SLC25A31: variants seen among roughly 807,000 people sequenced by gnomAD.
SLC25A31 encodes ADP/ATP translocase 4.
A neutral mutation model predicts 36.2 loss-of-function variants in SLC25A31; 40 were observed. The observed-to-expected ratio is 1.10, with a 90% CI of 0.86 to 1.44. SLC25A31 has a LOEUF of 1.44. SLC25A31 is among the 40% of genes most tolerant of loss of function. SLC25A31 has a pLI of 0.00. For missense variants in SLC25A31, 350 were observed against 397.1 expected (o/e 0.88, Z 1.01); for synonymous variants, 143 against 149.7 (o/e 0.96, Z 0.32).
rs1437394707 is a variant in SLC25A31 at position 127,748,550 on chromosome 4, C to T, written c.360+3751C>T. On this transcript the variant is annotated intron_variant, in intron 2 of 5. Transcript: ENST00000281154. Reference sequence around the variant, plus strand: ...AGTAACAGGCCTACCATCAATGAAACGTGCAGGCCCTCATCCTGGCACCAA... The same window carrying T: ...AGTAACAGGCCTACCATCAATGAAATGTGCAGGCCCTCATCCTGGCACCAA... Among the ~76,000 whole-genome samples the T allele has an allele frequency of 3.9e-5, 6 of 152,306 alleles. 1 individual carries two copies. In the South Asian group the frequency reaches 8.3e-4, roughly 21 times the overall value.
At chr4:127,740,475 A>G (rs1385775652) in intron 1 of SLC25A31, among the ~76,000 whole-genome samples, 2 of 152,204 alleles carry the variant, frequency 1.3e-5, no homozygotes, top group African/African-American at 4.8e-5. Context: ...GATAGCATGT[A>G]CAGCTGAGTC....
intron 1 of SLC25A31, 59 bp downstream of exon 1, chr4:127,730,836 G>A: frequency 6.7e-7 from 1 of 1,495,726 alleles, no homozygotes; most frequent in Non-Finnish European, 9.1e-7. Context: ...GCTTCCCAGA[G>A]AAGAGGGTGG....
chr4:127,756,425 C>T (rs1238230222), intron 2 of SLC25A31, among the ~76,000 whole-genome samples: 9 of 151,862 alleles, frequency 5.9e-5, no homozygotes, highest in Admixed American at 2.0e-4. Flanking sequence ...TTTCTGAGGT[C>T]GATGGAGCGT....
At chr4:127,754,617 G>A (rs896622329) in intron 2 of SLC25A31, among the ~76,000 whole-genome samples, 1 of 150,740 alleles carries the variant, frequency 6.6e-6, no homozygotes, top group African/African-American at 2.4e-5. Flanking sequence ...TTAAAACACT[G>A]ATTAAAGAAA....
intron 2 of SLC25A31, among the ~76,000 whole-genome samples, chr4:127,752,731 A>G (rs1232206346): frequency 6.6e-6 from 1 of 152,230 alleles, no homozygotes; most frequent in Non-Finnish European, 1.5e-5. Flanking sequence ...AATTGTAAAT[A>G]TAAATGCACT....
chr4:127,767,167 C>T lies in SLC25A31; in HGVS notation c.580C>T (p.Gln194Ter). The T allele has an allele frequency of 1.2e-6, 2 of 1,613,700 alleles. No individual in the cohort carries two copies. Among genetic ancestry groups the T allele is most frequent in the Non-Finnish European group, 1.7e-6 (2 of 1,179,776 alleles). Reference sequence around the variant, plus strand: ...ATACCAAGGGTTTGGTGTTTCAGTACAGGGCATCATTGTGTACCGAGCCTC... The same window carrying T: ...ATACCAAGGGTTTGGTGTTTCAGTATAGGGCATCATTGTGTACCGAGCCTC... ...GLYQGFGVSV[Q>*]GIIVYRASYF... The change falls in exon 4 of 6, where the codon CAG becomes TAG. Residue 194 changes from glutamine (Q) to a stop codon, truncating the protein, a stop_gained. Coordinates refer to ENST00000281154, the MANE Select transcript of SLC25A31 (RefSeq NM_031291.4). LOFTEE classifies it high-confidence loss of function.
intron 2 of SLC25A31, among the ~76,000 whole-genome samples, chr4:127,750,241 T>A (rs1345971913): frequency 6.6e-6 from 1 of 152,148 alleles, no homozygotes; most frequent in Non-Finnish European, 1.5e-5. Context: ...AAGTATAAAC[T>A]TAAGTGGTAA....
intron 1 of SLC25A31, 101 bp from the exon 2 acceptor site, chr4:127,744,569 AAG>A (rs1731788468): frequency 1.0e-6 from 1 of 989,518 alleles, no homozygotes. Context: ...TCTCATAAGA[AAG>A]AGTATGTTTT....
intron 4 of SLC25A31, among the ~76,000 whole-genome samples, chr4:127,768,302 A>G (rs960521128): frequency 6.6e-6 from 1 of 152,048 alleles, no homozygotes; most frequent in African/African-American, 2.4e-5. Context: ...TCACAAAAAA[A>G]GTTATGTGTG....
At chr4:127,767,024 A>C in intron 3 of SLC25A31, 42 bp from the exon 4 acceptor site, 1 of 1,533,060 alleles carries the variant, frequency 6.5e-7, no homozygotes, top group African/African-American at 1.4e-5. Context: ...TGTTTATTGG[A>C]TATATAATGT....
At position 127,748,551 on chromosome 4, in the gene SLC25A31, G is replaced by A. The variant is rs866238912; in HGVS notation, c.360+3752G>A. Among the ~76,000 whole-genome samples, 14 of 152,240 alleles carry A rather than the reference G, an allele frequency of 9.2e-5. No individual in the cohort carries two copies. In the East Asian group the frequency reaches 9.6e-4, roughly 10 times the overall value. On this transcript the variant is annotated intron_variant, in intron 2 of 5. Coordinates refer to ENST00000281154, the MANE Select transcript of SLC25A31 (RefSeq NM_031291.4). ...GTAACAGGCCTACCATCAATGAAACGTGCAGGCCCTCATCCTGGCACCAAC... is the reference window on the plus strand; with the variant it reads ...GTAACAGGCCTACCATCAATGAAACATGCAGGCCCTCATCCTGGCACCAAC...
At chr4:127,732,788 T>TA (rs1731553951) in intron 1 of SLC25A31, among the ~76,000 whole-genome samples, 1 of 152,200 alleles carries the variant, frequency 6.6e-6, no homozygotes, top group South Asian at 2.1e-4. Flanking sequence ...GTGTATCCTA[T>TA]GCTAAGAGAT....
chr4:127,732,401 AT>A (rs1731543976), intron 1 of SLC25A31, among the ~76,000 whole-genome samples: 1 of 152,162 alleles, frequency 6.6e-6, no homozygotes, highest in Admixed American at 6.5e-5. Context: ...CTCTCCACTC[AT>A]TCATTTAATT....
chr4:127,764,256 T>C lies in SLC25A31; in HGVS notation c.374T>C (p.Phe125Ser). ...AATATGTTTCAGTTCTGGAGGTGGT[T>C]TTTGGCAAACCTGGCTTCTGGTGGA... ...VNKEKQFWRW[F>S]LANLASGGAA... Residue 125 changes from phenylalanine (F) to serine (S), a missense_variant, in exon 3 of 6, where the codon TTT becomes TCT. Phe to Ser is a radical substitution (Grantham distance 155, BLOSUM62 -2). Coordinates refer to ENST00000281154, the MANE Select transcript of SLC25A31 (RefSeq NM_031291.4). The C allele has an allele frequency of 6.2e-7, 1 of 1,613,910 alleles. No homozygotes were observed. Among genetic ancestry groups the C allele is most frequent in the Non-Finnish European group, 8.5e-7 (1 of 1,179,884 alleles).
At chr4:127,745,307 CT>C (rs11314285) in intron 2 of SLC25A31, among the ~76,000 whole-genome samples, 100,214 of 148,728 alleles carry the variant, frequency 0.67, 34,210 homozygotes, top group Middle Eastern at 0.79. Flanking sequence ...TGCAAGGATA[CT>C]TTTTTTTTTT....
chr4:127,772,407 C>T (rs750196222), intron 5 of SLC25A31, among the ~76,000 whole-genome samples: 4 of 152,070 alleles, frequency 2.6e-5, no homozygotes, highest in Non-Finnish European at 4.4e-5. Flanking sequence ...TTTTTGTTAC[C>T]GTTGCCATTT....
At chr4:127,770,375 C>A (rs1026977319) in intron 5 of SLC25A31, among the ~76,000 whole-genome samples, 16 of 152,086 alleles carry the variant, frequency 1.1e-4, no homozygotes, top group Non-Finnish European at 1.9e-4. Flanking sequence ...GCCTGTAATC[C>A]CAACACTTTG....
intron 2 of SLC25A31, among the ~76,000 whole-genome samples, chr4:127,751,011 A>G (rs1731921406): frequency 6.6e-6 from 1 of 152,238 alleles, no homozygotes; most frequent in Admixed American, 6.5e-5. Context: ...TTTAGCCTTA[A>G]GTATACACAT....
At chr4:127,735,721 A>G (rs1731611472) in intron 1 of SLC25A31, among the ~76,000 whole-genome samples, 1 of 149,494 alleles carries the variant, frequency 6.7e-6, no homozygotes, top group South Asian at 2.1e-4. Flanking sequence ...AAGGTATATA[A>G]TTTATTAATG....
Sources: allele counts gnomAD v4.1 joint callset (sites outside exome capture counted in the v4.1 genomes callset), GRCh38; gene constraint gnomAD v4.1.1; transcripts MANE v1.5; gene names NCBI Gene and HGNC (gene_info 2026-07-23, HGNC 2026-07-21).